Variants in PKHD1 observed in about 807,000 individuals in gnomAD.
The protein encoded by PKHD1 is PKHD1 ciliary IPT domain containing fibrocystin/polyductin.
In PKHD1, 291 loss-of-function variants were observed where a neutral mutation model predicts 412.0. The observed-to-expected ratio is 0.71, with a 90% CI of 0.64 to 0.78. The LOEUF (loss-of-function observed/expected upper bound fraction) is 0.78, where lower values mean the gene tolerates loss of function less well. PKHD1 is among the 30% of genes least tolerant of loss of function. The pLI, the probability that PKHD1 is intolerant of heterozygous loss-of-function variation, is 0.00. For missense variants in PKHD1, 4,825 were observed against 4,950.7 expected, an observed-to-expected ratio of 0.97 and a Z score of 0.76; for synonymous variants, 1,777 against 1,821.5, an observed-to-expected ratio of 0.98 and a Z score of 0.62.
intron 24 of PKHD1, among the ~76,000 whole-genome samples, chr6:52,045,674 G>C (rs1431457635): frequency 6.6e-6 from 1 of 152,190 alleles, no homozygotes; most frequent in Admixed American, 6.6e-5. Context: ...TATGCCATCT[G>C]CTTCCACAAT....
chr6:51,934,185 TC>T lies in PKHD1; in HGVS notation c.6045del (p.Ser2016ValfsTer17). The stretch of plus-strand genomic sequence containing the variant: ...GGAAAGAAGGGAGTTGAGTAGGAAC[TC>T]CCGTAGAGTGTGATCTGAGCTCTGC... The part of the protein sequence containing the change: ...FQGRAQITLY[G>X]SSYSTPFFPY... On this transcript the variant is annotated frameshift_variant, in exon 37 of 67. Transcript: ENST00000371117. LOFTEE classifies it high-confidence loss of function. The T allele has an allele frequency of 6.2e-7, 1 of 1,613,986 alleles. No homozygotes were observed. The highest frequency in any genetic ancestry group is 1.1e-5 in the South Asian group (1 of 91,080).
Position 52,064,870 on chromosome 6 carries a change from A to G in PKHD1, c.976+85T>C. 7 of 715,100 alleles carry G rather than the reference A, an allele frequency of 9.8e-6. No individual in the cohort carries two copies. The South Asian group carries it at 9.8e-5, about 10-fold the overall frequency. 44.3% of individuals were successfully genotyped at this position (715,100 alleles called of 1,614,324 possible). Reference sequence around the variant, plus strand: ...AAGCCAGTCAAATAGATGAGAAAGAATTCAAACACTTTTATTTCTACTCGC... The same window carrying G: ...AAGCCAGTCAAATAGATGAGAAAGAGTTCAAACACTTTTATTTCTACTCGC... On this transcript the variant is annotated intron_variant, in intron 13 of 66. Coordinates refer to ENST00000371117, the MANE Select transcript of PKHD1 (RefSeq NM_138694.4).
At chr6:51,956,975 T>C (rs979374530) in intron 36 of PKHD1, among the ~76,000 whole-genome samples, 4 of 152,060 alleles carry the variant, frequency 2.6e-5, no homozygotes, top group Admixed American at 1.3e-4. Context: ...AGATTTGACT[T>C]AAATTTTTAA....
intron 48 of PKHD1, 109 bp from the exon 49 acceptor site, chr6:51,856,179 A>G: frequency 1.3e-6 from 1 of 782,766 alleles, no homozygotes; most frequent in Non-Finnish European, 2.3e-6. Flanking sequence ...TTCTCTCCAC[A>G]TATGTCTTAG....
intron 60 of PKHD1, among the ~76,000 whole-genome samples, chr6:51,698,957 C>T (rs1302745188): frequency 6.6e-6 from 1 of 152,116 alleles, no homozygotes; most frequent in Non-Finnish European, 1.5e-5. Flanking sequence ...TTCCACCTCT[C>T]AGATAACTAT....
At chr6:51,862,590 T>A (rs1360984727) in intron 48 of PKHD1, among the ~76,000 whole-genome samples, 1 of 152,206 alleles carries the variant, frequency 6.6e-6, no homozygotes, top group Admixed American at 6.5e-5. Flanking sequence ...TCTTCTTTAT[T>A]TTTGCATTCA....
At chr6:51,743,909 C>G (rs1459618289) in intron 60 of PKHD1, among the ~76,000 whole-genome samples, 1 of 152,100 alleles carries the variant, frequency 6.6e-6, no homozygotes, top group African/African-American at 2.4e-5. Context: ...GGAGCACAGC[C>G]TTGTTTGGGG....
At chr6:51,815,556 G>A (rs1355126316) in intron 52 of PKHD1, among the ~76,000 whole-genome samples, 1 of 152,078 alleles carries the variant, frequency 6.6e-6, no homozygotes, top group Non-Finnish European at 1.5e-5. Context: ...AGAAATAGTC[G>A]ATTCCATCCA....
At chr6:51,850,143 A>C (rs1385596379) in intron 49 of PKHD1, among the ~76,000 whole-genome samples, 1 of 152,208 alleles carries the variant, frequency 6.6e-6, no homozygotes, top group Non-Finnish European at 1.5e-5. Context: ...CCATTTACTG[A>C]ATAAGAGATC....
intron 44 of PKHD1, among the ~76,000 whole-genome samples, 189 bp downstream of exon 44, chr6:51,886,944 A>C (rs1778303380): frequency 6.6e-6 from 1 of 152,206 alleles, no homozygotes; most frequent in Non-Finnish European, 1.5e-5. Flanking sequence ...CAAACTCATC[A>C]AGTTGCATAC....
chr6:51,900,349 C>A (rs1781028904), intron 43 of PKHD1, among the ~76,000 whole-genome samples: 1 of 152,052 alleles, frequency 6.6e-6, no homozygotes, highest in Non-Finnish European at 1.5e-5. Flanking sequence ...CAGAACAGAG[C>A]CCTCAGAAAT....
At chr6:52,062,461 C>T in intron 14 of PKHD1, 58 bp downstream of exon 14, 1 of 1,559,446 alleles carries the variant, frequency 6.4e-7, no homozygotes, top group South Asian at 1.1e-5. Context: ...GTCTCCTAGC[C>T]TCACCTAGGT....
At chr6:51,962,149 T>C (rs1792139329) in intron 35 of PKHD1, among the ~76,000 whole-genome samples, 4 of 152,068 alleles carry the variant, frequency 2.6e-5, no homozygotes, top group Admixed American at 1.3e-4. Flanking sequence ...CTAGGAAGAA[T>C]GATGTGTTGA....
chr6:51,734,948 G>T (rs1319683511), intron 60 of PKHD1, among the ~76,000 whole-genome samples: 1 of 152,054 alleles, frequency 6.6e-6, no homozygotes, highest in Non-Finnish European at 1.5e-5. Context: ...TATCTGTAGG[G>T]GTCCTAGAAC....
chr6:51,690,187 G>A (rs1209607187), intron 60 of PKHD1, among the ~76,000 whole-genome samples: 5 of 148,092 alleles, frequency 3.4e-5, no homozygotes, highest in Admixed American at 2.1e-4. Context: ...CAGAAGAATC[G>A]CTTGAACTCG....
chr6:51,671,608 G>T (rs1249774751), intron 60 of PKHD1, among the ~76,000 whole-genome samples: 2 of 152,052 alleles, frequency 1.3e-5, no homozygotes, highest in East Asian at 3.9e-4. Context: ...CGTTCCTTTG[G>T]AGGAGGAGAG....
chr6:51,864,861 G>A (rs1199102172), intron 48 of PKHD1, among the ~76,000 whole-genome samples: 1 of 151,818 alleles, frequency 6.6e-6, no homozygotes, highest in Non-Finnish European at 1.5e-5. Context: ...ATTTGGACTA[G>A]GGAGATCTAA....
rs560435375 is a variant in PKHD1 at position 51,870,990 on chromosome 6, T to G, written c.7351-351A>C. 2.0e-5 allele frequency among the ~76,000 whole-genome samples: 3 copies of G among 152,294 alleles called. No homozygotes were observed. In the South Asian group the frequency reaches 6.2e-4, roughly 32 times the overall value. ...ATTAAGATCACACTAAAATATACTA[T>G]GCACCTATTGAATGAATAAATAAAA... On this transcript the variant is annotated intron_variant, in intron 46 of 66. Transcript: ENST00000371117.
rs779827172 is a variant in PKHD1, at chr6:51,748,248, G to A, written c.9368C>T (p.Ala3123Val). 2.0e-5 allele frequency: 32 copies of A among 1,613,972 alleles called. No individual in the cohort carries two copies. The highest frequency in any genetic ancestry group is 8.9e-5 in the East Asian group (4 of 44,870). ...SCELLWSDNV[A>V]HSSLHGLHLY... The stretch of plus-strand genomic sequence containing the variant: ...ATGAAGGCCATGAAGACTTGAATGC[G>A]CCACATTGTCAGACCAAAGCAGTTC... Residue 3123 changes from alanine to valine, a missense_variant, in exon 58 of 67, where the codon GCG (alanine) becomes GTG (valine). By Grantham distance (64) the Ala-to-Val change is moderately conservative. Coordinates refer to ENST00000371117, the MANE Select transcript of PKHD1 (RefSeq NM_138694.4).
Sources: allele counts gnomAD v4.1 joint callset (sites outside exome capture counted in the v4.1 genomes callset), GRCh38; gene constraint gnomAD v4.1.1; transcripts MANE v1.5; gene names NCBI Gene and HGNC (gene_info 2026-07-23, HGNC 2026-07-21).